The following LRRC4C variants were observed in gnomAD, a reference collection of about 807,000 sequenced individuals.
LRRC4C encodes the protein leucine-rich repeat-containing protein 4C.
Under a neutral mutation model 33.6 loss-of-function variants are expected in LRRC4C, and 5 were observed. That is an observed-to-expected ratio of 0.15 (90% confidence interval 0.08 to 0.31). LRRC4C has a LOEUF of 0.31. LRRC4C is among the 10% of genes least tolerant of loss of function. The pLI, the probability that LRRC4C is intolerant of heterozygous loss-of-function variation, is 1.00. For missense variants in LRRC4C, 560 were observed against 796.7 expected (o/e 0.70, Z 3.58); for synonymous variants, 329 against 302.0 (o/e 1.09, Z -0.93).
chr11:41,148,482 G>A (rs1465433353), intron 1 of LRRC4C, among the ~76,000 whole-genome samples: 1 of 152,142 alleles, frequency 6.6e-6, no homozygotes, highest in Admixed American at 6.5e-5. Flanking sequence ...ACTTGATTTT[G>A]AGGGGTGGAG....
At chr11:41,395,564 G>T (rs559914799) in intron 1 of LRRC4C, among the ~76,000 whole-genome samples, 1 of 151,946 alleles carries the variant, frequency 6.6e-6, no homozygotes, top group African/African-American at 2.4e-5. Context: ...ACCAATACCA[G>T]TTCACTTTCT....
chr11:40,860,439 TCCTCTG>T, intron 2 of LRRC4C, among the ~76,000 whole-genome samples: 1 of 144,310 alleles, frequency 6.9e-6, no homozygotes, highest in Non-Finnish European at 1.5e-5. Flanking sequence ...GAAACATGTT[TCCTCTG>T]AAATTAAGAT....
At chr11:40,849,208 G>A (rs1020130149) in intron 2 of LRRC4C, among the ~76,000 whole-genome samples, 11 of 152,086 alleles carry the variant, frequency 7.2e-5, no homozygotes, top group Admixed American at 4.6e-4. Context: ...TATTTTGCCC[G>A]TTAGTTGATG....
chr11:40,141,658 C>T (rs892728281), intron 5 of LRRC4C, among the ~76,000 whole-genome samples: 34 of 152,048 alleles, frequency 2.2e-4, no homozygotes, highest in African/African-American at 1.4e-4. Context: ...TTAAAATCAC[C>T]AAGAAGCCTA....
Position 40,115,106 on chromosome 11 carries a change from T to C in LRRC4C, c.1187A>G (p.His396Arg), listed in dbSNP as rs763740299. 6.2e-7 allele frequency: 1 copy of C among 1,614,200 alleles called. No individual in the cohort carries two copies. Among genetic ancestry groups the C allele is most frequent in the Non-Finnish European group, 8.5e-7 (1 of 1,180,030 alleles). The change falls in exon 7 of 7, where the codon CAT (histidine) becomes CGT (arginine). Residue 396 changes from histidine to arginine, a missense_variant. Coordinates refer to ENST00000528697, the MANE Select transcript of LRRC4C (RefSeq NM_001258419.2). This position sits in a 1 kb window ranked among gnomAD's most constrained non-coding sequence, Gnocchi z 6.7. ...AGCTATCCGCACTTTGTACGCCCCA[T>C]GTGTCATGACTGTTCCATTTGGAGT... ...WITPNGTVMT[H>R]GAYKVRIAVL...
chr11:40,703,508 G>A (rs1287661932), intron 2 of LRRC4C, among the ~76,000 whole-genome samples: 3 of 152,132 alleles, frequency 2.0e-5, no homozygotes, highest in East Asian at 1.9e-4. Context: ...GAGCCCTGGA[G>A]GTTGATGGCA....
chr11:40,358,605 G>A (rs758213075), intron 3 of LRRC4C, among the ~76,000 whole-genome samples: 14 of 152,038 alleles, frequency 9.2e-5, no homozygotes, highest in Admixed American at 6.6e-4. Context: ...ATAACCTCCC[G>A]TCTCCTATAC....
chr11:40,930,868 T>C (rs1226568411), intron 2 of LRRC4C, among the ~76,000 whole-genome samples: 1 of 152,266 alleles, frequency 6.6e-6, no homozygotes, highest in Non-Finnish European at 1.5e-5. Context: ...TTTATGTTTA[T>C]GTGAAGTCAC....
At chr11:40,718,172 A>T (rs1946827894) in intron 2 of LRRC4C, among the ~76,000 whole-genome samples, 1 of 152,206 alleles carries the variant, frequency 6.6e-6, no homozygotes, top group Non-Finnish European at 1.5e-5. Context: ...TGCATAACAC[A>T]GGGCAGTGGC....
chr11:41,319,678 G>A (rs1950898284), intron 1 of LRRC4C, among the ~76,000 whole-genome samples: 2 of 152,126 alleles, frequency 1.3e-5, no homozygotes, highest in African/African-American at 4.8e-5. Context: ...GCTAGTCTGA[G>A]AAACTAGAAC....
chr11:41,213,226 A>G (rs1353533139), intron 1 of LRRC4C, among the ~76,000 whole-genome samples: 20 of 152,216 alleles, frequency 1.3e-4, no homozygotes, highest in Non-Finnish European at 2.8e-4. Flanking sequence ...ACTAAACAGT[A>G]TAAACATTTC....
intron 2 of LRRC4C, among the ~76,000 whole-genome samples, chr11:40,749,805 C>A (rs1948596191): frequency 6.6e-6 from 1 of 151,904 alleles, no homozygotes; most frequent in Admixed American, 6.6e-5. Flanking sequence ...AAGGAGACAT[C>A]AAAACTGATA....
chr11:40,560,884 T>C (rs1215905534), intron 3 of LRRC4C, among the ~76,000 whole-genome samples: 1 of 152,192 alleles, frequency 6.6e-6, no homozygotes, highest in Admixed American at 6.5e-5. Flanking sequence ...AGTTACCTTA[T>C]TGGTTAAATG....
At chr11:41,332,588 G>T (rs961186150) in intron 1 of LRRC4C, among the ~76,000 whole-genome samples, 2 of 152,268 alleles carry the variant, frequency 1.3e-5, no homozygotes, top group Admixed American at 6.5e-5. Flanking sequence ...TCTTGCTTAT[G>T]ACATATTCCA....
chr11:40,416,065 C>A (rs1448457263), intron 3 of LRRC4C, among the ~76,000 whole-genome samples: 1 of 152,106 alleles, frequency 6.6e-6, no homozygotes, highest in Non-Finnish European at 1.5e-5. Flanking sequence ...CTCAGAACAA[C>A]AATAAATAAC....
intron 3 of LRRC4C, among the ~76,000 whole-genome samples, chr11:40,564,909 A>T (rs1957693123): frequency 6.6e-6 from 1 of 152,146 alleles, no homozygotes; most frequent in African/African-American, 2.4e-5. Context: ...AATCCAAATG[A>T]TCCACTTGGT....
At chr11:41,382,684 T>C (rs1004185499) in intron 1 of LRRC4C, among the ~76,000 whole-genome samples, 4 of 152,120 alleles carry the variant, frequency 2.6e-5, no homozygotes, top group African/African-American at 4.8e-5. Flanking sequence ...ATCCTGACTA[T>C]ATAAAACTAA....
At position 40,976,693 on chromosome 11, in the gene LRRC4C, AAAC is replaced by A. The variant is rs570286980; in HGVS notation, c.-495-42973_-495-42971del. ...TTTTATTTCCTTGGTCATGAAGGCA[AAAC>A]AATAGAAGAGAGAGTATACAAAAAG... On this transcript the variant is annotated intron_variant, in intron 1 of 6. Coordinates refer to ENST00000528697, the MANE Select transcript of LRRC4C (RefSeq NM_001258419.2). Among the ~76,000 whole-genome samples the A allele has an allele frequency of 1.7e-3, 256 of 152,294 alleles. 1 individual carries two copies. Among genetic ancestry groups the A allele is most frequent in the African/African-American group, 5.8e-3 (242 of 41,556 alleles).
At position 40,706,738 on chromosome 11, in the gene LRRC4C, C is replaced by T. The variant is rs1946186367; in HGVS notation, c.-406-58460G>A. The stretch of plus-strand genomic sequence containing the variant: ...GAACTTTAAGGTAGTTTTTCTAATT[C>T]TGTGAAGAAAGTCATTGGTAGCTTG... On this transcript the variant is annotated intron_variant, in intron 2 of 6. Transcript: ENST00000528697. Among the ~76,000 whole-genome samples the T allele has an allele frequency of 2.0e-5, 3 of 152,072 alleles. No individual in the cohort carries two copies. In the South Asian group the frequency reaches 6.2e-4, roughly 31 times the overall value.
Sources: gnomAD v4.1 joint callset for allele counts (sites outside exome capture counted in the v4.1 genomes callset) on GRCh38, gnomAD v4.1.1 for gene constraint, Gnocchi (gnomAD v3.1) non-coding constraint, MANE v1.5 for transcripts, NCBI Gene and HGNC (gene_info 2026-07-23, HGNC 2026-07-21) for gene names.